The following TMC1 variants were observed in gnomAD, a reference collection of about 807,000 sequenced individuals.
TMC1 encodes transmembrane channel-like protein 1.
In TMC1, 84 loss-of-function variants were observed where a neutral mutation model predicts 105.8. The observed-to-expected ratio is 0.79, with a 90% confidence interval of 0.67 to 0.95. TMC1 has a LOEUF of 0.95. Among genes scored for constraint, TMC1 ranks in the 40% least tolerant of loss-of-function variants. The pLI is 0.00. For missense variants in TMC1, 817 were observed against 914.1 expected, an observed-to-expected ratio of 0.89 and a Z score of 1.37; for synonymous variants, 315 against 311.5, an observed-to-expected ratio of 1.01 and a Z score of -0.12.
chr9:72,730,990 T>C (rs1827203871), intron 8 of TMC1, among the ~76,000 whole-genome samples: 1 of 152,216 alleles, frequency 6.6e-6, no homozygotes, highest in Non-Finnish European at 1.5e-5. Context: ...CTTCACTCAC[T>C]CGCCCACCAC....
At chr9:72,565,628 G>A (rs1238888862) in intron 1 of TMC1, among the ~76,000 whole-genome samples, 1 of 152,104 alleles carries the variant, frequency 6.6e-6, no homozygotes, top group Admixed American at 6.6e-5. Context: ...CTACTGCTAT[G>A]TGAAGAAATG....
intron 1 of TMC1, among the ~76,000 whole-genome samples, chr9:72,523,149 C>T (rs1471660770): frequency 6.6e-6 from 1 of 152,044 alleles, no homozygotes; most frequent in African/African-American, 2.4e-5. Flanking sequence ...AAGGGAAGAG[C>T]ATCTCACAAA....
intron 13 of TMC1, among the ~76,000 whole-genome samples, chr9:72,787,005 C>A (rs941157121): frequency 2.0e-5 from 3 of 151,480 alleles, no homozygotes; most frequent in African/African-American, 7.3e-5. Context: ...TGCTTTCAAC[C>A]CTTTTGGCCT....
At chr9:72,577,544 G>A (rs1367759583) in intron 1 of TMC1, among the ~76,000 whole-genome samples, 14 of 150,744 alleles carry the variant, frequency 9.3e-5, no homozygotes, top group Non-Finnish European at 1.3e-4. Context: ...TTCTGTAGCA[G>A]CCTGATTGAG....
chr9:72,668,038 CT>C (rs1826071133), intron 5 of TMC1, among the ~76,000 whole-genome samples: 1 of 151,746 alleles, frequency 6.6e-6, no homozygotes, highest in Non-Finnish European at 1.5e-5. Flanking sequence ...TTGTTAATAT[CT>C]TTTTTCCTAG....
intron 13 of TMC1, 119 bp from the exon 14 acceptor site, chr9:72,788,220 T>C: frequency 9.2e-7 from 1 of 1,090,088 alleles, no homozygotes. Flanking sequence ...ACAAACTTGT[T>C]ATAAAATATA....
chr9:72,625,307 G>T (rs1010702543), intron 3 of TMC1, among the ~76,000 whole-genome samples: 4 of 152,152 alleles, frequency 2.6e-5, no homozygotes, highest in African/African-American at 9.7e-5. Context: ...TCACCAGGGG[G>T]AACCATAGGT....
At chr9:72,828,120 G>A (rs1367856822) in intron 21 of TMC1, among the ~76,000 whole-genome samples, 5 of 152,194 alleles carry the variant, frequency 3.3e-5, no homozygotes, top group East Asian at 1.9e-4. Context: ...TTTATACTGC[G>A]AGGCTTTCTG....
intron 17 of TMC1, among the ~76,000 whole-genome samples, chr9:72,798,957 C>A (rs1395217335): frequency 6.6e-6 from 1 of 151,826 alleles, no homozygotes; most frequent in East Asian, 1.9e-4. Context: ...TATTTGTTTT[C>A]ATGATGATTT....
chr9:72,648,324 CA>C (rs1825747248), intron 4 of TMC1, among the ~76,000 whole-genome samples: 1 of 152,160 alleles, frequency 6.6e-6, no homozygotes, highest in Non-Finnish European at 1.5e-5. Flanking sequence ...AAAGCACAGG[CA>C]GAGTGGGATG....
At chr9:72,635,021 C>T (rs1564458590) in intron 4 of TMC1, among the ~76,000 whole-genome samples, 1 of 152,072 alleles carries the variant, frequency 6.6e-6, no homozygotes, top group South Asian at 2.1e-4. Context: ...CATTGGGAGG[C>T]TGAGGTGGGT....
At chr9:72,829,446 T>G (rs138308578) in intron 21 of TMC1, among the ~76,000 whole-genome samples, 2 of 152,302 alleles carry the variant, frequency 1.3e-5, no homozygotes, top group East Asian at 3.9e-4. Context: ...ATCTTTGAGT[T>G]CATCTTCCAA....
intron 7 of TMC1, among the ~76,000 whole-genome samples, chr9:72,699,261 A>G (rs1564498678): frequency 6.6e-6 from 1 of 152,214 alleles, no homozygotes; most frequent in Non-Finnish European, 1.5e-5. Context: ...CACAGAAAAG[A>G]AAAGCTACAT....
intron 4 of TMC1, among the ~76,000 whole-genome samples, chr9:72,635,123 C>G (rs1490383116): frequency 6.6e-6 from 1 of 152,036 alleles, no homozygotes; most frequent in Non-Finnish European, 1.5e-5. Flanking sequence ...TGTGGTGGCA[C>G]ATGCCTGTAA....
intron 17 of TMC1, among the ~76,000 whole-genome samples, chr9:72,794,334 A>G (rs1227050644): frequency 6.6e-6 from 1 of 152,192 alleles, no homozygotes; most frequent in Non-Finnish European, 1.5e-5. Context: ...CCAAGCCGTA[A>G]TCTACAGCCA....
At chr9:72,684,685 T>C (rs1826347280) in intron 5 of TMC1, among the ~76,000 whole-genome samples, 2 of 152,216 alleles carry the variant, frequency 1.3e-5, no homozygotes, top group Non-Finnish European at 2.9e-5. Context: ...CTTGGATGTC[T>C]AGACAGCACC....
chr9:72,564,056 A>G (rs1824104532), intron 1 of TMC1, among the ~76,000 whole-genome samples: 1 of 152,132 alleles, frequency 6.6e-6, no homozygotes, highest in East Asian at 1.9e-4. Context: ...GATATCTTTA[A>G]TCACACATAT....
At chr9:72,745,440 C>T (rs1476219419) in intron 10 of TMC1, among the ~76,000 whole-genome samples, 3 of 151,980 alleles carry the variant, frequency 2.0e-5, no homozygotes, top group Non-Finnish European at 4.4e-5. Context: ...TCTACGAGGC[C>T]GATGGCAGGA....
intron 17 of TMC1, 59 bp downstream of exon 17, chr9:72,792,411 C>G (rs55633682): frequency 1.3e-6 from 2 of 1,599,902 alleles, no homozygotes; most frequent in East Asian, 4.5e-5. Flanking sequence ...GAGTCAATAT[C>G]TCTTCCATAA....
Sources: allele counts gnomAD v4.1 joint callset (sites outside exome capture counted in the v4.1 genomes callset), GRCh38; gene constraint gnomAD v4.1.1; transcripts MANE v1.5; gene names NCBI Gene and HGNC (gene_info 2026-07-23, HGNC 2026-07-21).